CFAP299: variants seen among roughly 807,000 people sequenced by gnomAD.
CFAP299 encodes the protein cilia- and flagella-associated protein 299.
CFAP299 carries 21 observed loss-of-function variants against 27.0 expected under a neutral mutation model. That is an observed-to-expected ratio of 0.78 (90% CI 0.55 to 1.12). CFAP299 has a LOEUF of 1.12. CFAP299 is among the 50% of genes most tolerant of loss of function. CFAP299 has a pLI of 0.00. For missense variants in CFAP299, 310 were observed against 276.6 expected, an observed-to-expected ratio of 1.12 and a Z score of -0.86; for synonymous variants, 104 against 98.1, an observed-to-expected ratio of 1.06 and a Z score of -0.36.
chr4:80,321,767 C>G, the CFAP299 span, among the ~76,000 whole-genome samples: 5 of 152,308 alleles, frequency 3.3e-5, 1 homozygote, highest in Admixed American at 6.5e-5. Flanking sequence ...TCCTTCCTGT[C>G]TCCACACCCA....
intron 2 of CFAP299, among the ~76,000 whole-genome samples, chr4:80,571,521 AAAAT>A (rs1256708376): frequency 1.2e-4 from 19 of 152,288 alleles, no homozygotes; most frequent in African/African-American, 4.6e-4. Flanking sequence ...TGTATGTAGA[AAAAT>A]AAATATATTG....
At chr4:80,681,438 A>AAG (rs70956059) in intron 3 of CFAP299, among the ~76,000 whole-genome samples, 2 of 151,482 alleles carry the variant, frequency 1.3e-5, no homozygotes, top group African/African-American at 4.9e-5. Flanking sequence ...AAAAAAAAAA[A>AAG]CTGAGAAATC....
chr4:80,507,425 G>A (rs886614491), intron 2 of CFAP299, among the ~76,000 whole-genome samples: 1 of 152,080 alleles, frequency 6.6e-6, no homozygotes, highest in Non-Finnish European at 1.5e-5. Context: ...AGATATAAGA[G>A]AATATAATAT....
At chr4:80,954,295 C>T (rs1328974406) in intron 5 of CFAP299, among the ~76,000 whole-genome samples, 1 of 152,114 alleles carries the variant, frequency 6.6e-6, no homozygotes, top group Non-Finnish European at 1.5e-5. Context: ...AACAGTTGAA[C>T]AAGTAGTTAA....
At chr4:80,492,935 G>C (rs1731214528) in intron 2 of CFAP299, among the ~76,000 whole-genome samples, 1 of 152,120 alleles carries the variant, frequency 6.6e-6, no homozygotes, top group African/African-American at 2.4e-5. Flanking sequence ...AGGCTGTTAG[G>C]AGGGTTGTGG....
At chr4:80,438,158 G>A (rs762927971) in intron 2 of CFAP299, among the ~76,000 whole-genome samples, 1 of 152,170 alleles carries the variant, frequency 6.6e-6, no homozygotes, top group Non-Finnish European at 1.5e-5. Context: ...TTAATGCAAG[G>A]AAACAGAATA....
At chr4:80,905,398 C>T (rs17005000) in intron 4 of CFAP299, among the ~76,000 whole-genome samples, 4,068 of 152,218 alleles carry the variant, frequency 0.027, 80 homozygotes, top group South Asian at 0.078. Context: ...TTTTCCTCAA[C>T]GTAGACTACA....
chr4:80,623,977 T>C (rs1451637512), intron 3 of CFAP299, among the ~76,000 whole-genome samples: 1 of 152,128 alleles, frequency 6.6e-6, no homozygotes, highest in Non-Finnish European at 1.5e-5. Flanking sequence ...GCAACTGCAC[T>C]GAACATAACC....
intron 3 of CFAP299, among the ~76,000 whole-genome samples, chr4:80,835,118 T>C (rs1480542301): frequency 6.6e-6 from 1 of 152,138 alleles, no homozygotes; most frequent in Non-Finnish European, 1.5e-5. Flanking sequence ...ATTTTTTGTT[T>C]GTTTGTTTTG....
intron 3 of CFAP299, among the ~76,000 whole-genome samples, chr4:80,784,999 C>G (rs927947815): frequency 6.6e-6 from 1 of 151,994 alleles, no homozygotes; most frequent in Non-Finnish European, 1.5e-5. Flanking sequence ...CATAGGTTGC[C>G]TTTTCATTTT....
intron 3 of CFAP299, among the ~76,000 whole-genome samples, chr4:80,671,502 T>C (rs1232668824): frequency 6.6e-6 from 1 of 152,202 alleles, no homozygotes; most frequent in Non-Finnish European, 1.5e-5. Flanking sequence ...CGTATGAACT[T>C]TAAAGTAGTT....
At chr4:80,402,047 A>T (rs955301175) in intron 2 of CFAP299, among the ~76,000 whole-genome samples, 3 of 152,164 alleles carry the variant, frequency 2.0e-5, no homozygotes, top group Non-Finnish European at 4.4e-5. Flanking sequence ...CCCATTTGGA[A>T]TGGCAATATT....
chr4:80,860,276 A>T (rs542103078), intron 3 of CFAP299, among the ~76,000 whole-genome samples: 1 of 152,074 alleles, frequency 6.6e-6, no homozygotes, highest in Non-Finnish European at 1.5e-5. Context: ...TCCTTTAAGC[A>T]CTTCTCTGTA....
chr4:80,431,790 T>C (rs953972518), intron 2 of CFAP299, among the ~76,000 whole-genome samples: 1 of 152,184 alleles, frequency 6.6e-6, no homozygotes, highest in Non-Finnish European at 1.5e-5. Flanking sequence ...TCAGTAGCCA[T>C]TGAATGCCAT....
At chr4:80,960,853 A>G (rs939567153) in intron 5 of CFAP299, among the ~76,000 whole-genome samples, 27 of 152,016 alleles carry the variant, frequency 1.8e-4, no homozygotes, top group African/African-American at 6.5e-4. Context: ...ACCTTTTTAA[A>G]GAGACAAAAT....
intron 3 of CFAP299, among the ~76,000 whole-genome samples, chr4:80,757,641 A>G (rs1725310361): frequency 6.6e-6 from 1 of 152,204 alleles, no homozygotes; most frequent in East Asian, 1.9e-4. Context: ...TTAGCAAGTT[A>G]ATGTTGACAT....
intron 2 of CFAP299, among the ~76,000 whole-genome samples, chr4:80,548,978 T>C (rs1439044512): frequency 6.6e-6 from 1 of 152,052 alleles, no homozygotes; most frequent in Non-Finnish European, 1.5e-5. Context: ...AAATAACTTA[T>C]AGGAAGACCT....
At chr4:80,452,506 G>A (rs1728951026) in intron 2 of CFAP299, among the ~76,000 whole-genome samples, 1 of 152,162 alleles carries the variant, frequency 6.6e-6, no homozygotes, top group Middle Eastern at 3.4e-3. Context: ...AGCTAAGTTA[G>A]GTTAACATAC....
At chr4:80,761,793 T>G (rs1206722620) in intron 3 of CFAP299, among the ~76,000 whole-genome samples, 1 of 152,074 alleles carries the variant, frequency 6.6e-6, no homozygotes, top group East Asian at 1.9e-4. Flanking sequence ...TCATGGGAGC[T>G]TTGTACAATT....
Sources: gnomAD v4.1 joint callset for allele counts (sites outside exome capture counted in the v4.1 genomes callset) on GRCh38, gnomAD v4.1.1 for gene constraint, MANE v1.5 for transcripts, NCBI Gene and HGNC (gene_info 2026-07-23, HGNC 2026-07-21) for gene names.